HERC6: variants seen among roughly 807,000 people sequenced by gnomAD.
HERC6 encodes the protein probable E3 ubiquitin-protein ligase HERC6.
In HERC6, 101 loss-of-function variants were observed where a neutral mutation model predicts 114.5. That is an observed-to-expected ratio of 0.88 (90% CI 0.75 to 1.04). The LOEUF is 1.04. Among genes scored for constraint, HERC6 ranks in the 50% least tolerant of loss-of-function variants. HERC6 has a pLI of 0.00. For missense variants in HERC6, 1,133 were observed against 1,230.9 expected (o/e 0.92, Z 1.19); for synonymous variants, 408 against 436.2 (o/e 0.94, Z 0.81).
chr4:88,385,476 AT>A (rs1330144338), intron 2 of HERC6, 22 bp from the exon 3 acceptor site: 16 of 1,164,340 alleles, frequency 1.4e-5, no homozygotes, highest in Non-Finnish European at 1.8e-5. Flanking sequence ...GGATTAATCA[AT>A]TTTGTATTAT....
Position 88,436,954 on chromosome 4 carries a change from C to T in HERC6, c.2467C>T (p.Leu823Phe), listed in dbSNP as rs1455292247. ...DDAADDIGDA[L>F]CIRFSIHWDQ... The stretch of plus-strand genomic sequence containing the variant: ...TGCTGCTGATGACATTGGAGATGCG[C>T]TCTGCATACGCTTTTCTGTGAGTAC... The change falls in exon 19 of 23, where the codon CTC becomes TTC. Residue 823 changes from leucine (L) to phenylalanine (F), a missense_variant. Coordinates refer to ENST00000264346, the MANE Select transcript of HERC6 (RefSeq NM_017912.4). 6.2e-7 allele frequency: 1 copy of T among 1,605,124 alleles called. No homozygotes were observed. Among genetic ancestry groups the T allele is most frequent in the East Asian group, 2.2e-5 (1 of 44,544 alleles).
chr4:88,441,504 A>G (rs767009017), intron 22 of HERC6, among the ~76,000 whole-genome samples: 10 of 152,154 alleles, frequency 6.6e-5, no homozygotes, highest in Non-Finnish European at 1.3e-4. Context: ...TCCAAAGCCC[A>G]GGCTCTTGAG....
intron 2 of HERC6, among the ~76,000 whole-genome samples, chr4:88,384,914 T>C (rs577704032): frequency 1.3e-5 from 2 of 152,056 alleles, no homozygotes; most frequent in South Asian, 4.2e-4. Context: ...TCCCAGCTAC[T>C]TGGGAGGCTG....
intron 7 of HERC6, 99 bp downstream of exon 7, chr4:88,397,086 C>A: frequency 1.1e-6 from 1 of 938,796 alleles, no homozygotes; most frequent in South Asian, 3.4e-5. Flanking sequence ...AACTGTAGTT[C>A]CCCTAGTACT....
rs1218886079 is a variant in HERC6, at chr4:88,404,841, G to C, written c.1093-35G>C. The C allele has an allele frequency of 2.5e-6, 4 of 1,609,140 alleles. No individual in the cohort carries two copies. In the African/African-American group the frequency reaches 5.4e-5, roughly 22 times the overall value. On this transcript the variant is annotated intron_variant, in intron 8 of 22. Coordinates refer to ENST00000264346, the MANE Select transcript of HERC6 (RefSeq NM_017912.4). ...ATAATTTACTACTGAACGTGTGTGT[G>C]TTCCTGATCATTCTTGTTTCTTCCT... is the stretch of plus-strand genomic sequence containing the variant.
intron 11 of HERC6, among the ~76,000 whole-genome samples, chr4:88,410,249 G>A (rs1431618111): frequency 6.6e-6 from 1 of 152,142 alleles, no homozygotes; most frequent in Non-Finnish European, 1.5e-5. Flanking sequence ...ACACTGGTTT[G>A]GTCTGGAAAG....
intron 15 of HERC6, among the ~76,000 whole-genome samples, chr4:88,426,342 A>G (rs1157484992): frequency 6.6e-6 from 1 of 151,752 alleles, no homozygotes; most frequent in Non-Finnish European, 1.5e-5. Context: ...CTAATTTTGT[A>G]TTTTTAGTAG....
rs542245985 is a variant in HERC6, at chr4:88,411,808, A to T, written c.1369-1269A>T. ...CTGGGGCTGTAAAATCCTCCACTCA[A>T]TCTTTTGGGTTGGCTAGCAGATGAG... is the stretch of plus-strand genomic sequence containing the variant. On this transcript the variant is annotated intron_variant, in intron 11 of 22. Coordinates refer to ENST00000264346, the MANE Select transcript of HERC6 (RefSeq NM_017912.4). 2.0e-5 allele frequency among the ~76,000 whole-genome samples: 3 copies of T among 152,298 alleles called. No individual in the cohort carries two copies. In the South Asian group the frequency reaches 6.2e-4, roughly 32 times the overall value.
chr4:88,396,842 T>C lies in HERC6; in HGVS notation c.888-9T>C. 2 of 1,559,954 alleles carry C rather than the reference T, an allele frequency of 1.3e-6. No homozygotes were observed. The highest frequency in any genetic ancestry group is 2.7e-5 in the African/African-American group (2 of 73,408). On this transcript the variant is annotated splice_polypyrimidine_tract_variant and intron_variant, in intron 6 of 22. Coordinates refer to ENST00000264346, the MANE Select transcript of HERC6 (RefSeq NM_017912.4). ...TAGTCTTCATTATGGTGTATTCTCT[T>C]TCCTGTAGTTATCACACCCTGGCAT...
intron 1 of HERC6, 178 bp from the exon 2 acceptor site, chr4:88,383,043 A>C: frequency 1.4e-6 from 1 of 691,450 alleles, no homozygotes; most frequent in Non-Finnish European, 2.3e-6. Context: ...GGTAACATAC[A>C]TTGAATTTAC....
chr4:88,416,500 A>G (rs1324622748), intron 12 of HERC6, among the ~76,000 whole-genome samples: 1 of 152,064 alleles, frequency 6.6e-6, no homozygotes, highest in Admixed American at 6.6e-5. Flanking sequence ...AAAAATTTTA[A>G]TGTAGCCTAC....
intron 1 of HERC6, 114 bp from the exon 2 acceptor site, chr4:88,383,106 AG>A (rs1734399971): frequency 1.5e-5 from 20 of 1,318,240 alleles, no homozygotes; most frequent in Non-Finnish European, 2.0e-5. Flanking sequence ...AGACCATTGG[AG>A]GAGACAAGAA....
At chr4:88,412,999 A>G in intron 11 of HERC6, 78 bp from the exon 12 acceptor site, 4 of 1,052,138 alleles carry the variant, frequency 3.8e-6, no homozygotes, top group Non-Finnish European at 4.2e-6. Context: ...TGAAACCCTT[A>G]ATTTCACAGC....
chr4:88,430,548 C>T (rs1368424483), intron 16 of HERC6, among the ~76,000 whole-genome samples: 14 of 150,610 alleles, frequency 9.3e-5, no homozygotes, highest in Admixed American at 9.2e-4. Context: ...CCAGCCTGGG[C>T]AGCAGAGTGA....
At chr4:88,397,009 G>C in intron 7 of HERC6, 22 bp downstream of exon 7, 1 of 1,600,078 alleles carries the variant, frequency 6.2e-7, no homozygotes, top group Non-Finnish European at 8.5e-7. Flanking sequence ...ACTAATTCAT[G>C]ATTTTGTGTT....
In HERC6 at chr4:88,378,939, C is replaced by A; in HGVS notation, c.18C>A (p.Gly6=). The A allele has an allele frequency of 1.3e-6, 2 of 1,593,370 alleles. No individual in the cohort carries two copies. Among genetic ancestry groups the A allele is most frequent in the African/African-American group, 1.3e-5 (1 of 74,684 alleles). ...GAAGCGGGATGTACTTCTGTTGGGG[C>A]GCCGACTCCAGGGAGCTGCAGCGCC... MYFCW[G]ADSRELQRRR... The change falls in exon 1 of 23, where the codon GGC becomes GGA. Residue 6 remains glycine, a synonymous_variant. Transcript: ENST00000264346.
rs141794323 is a variant in HERC6 at position 88,425,440 on chromosome 4, C to T, written c.1935+738C>T. ...GTTTTCCTGCCATGAACAACACTGA[C>T]GCTATCCAGTAATCTGTTCTTTCCT... On this transcript the variant is annotated intron_variant, in intron 15 of 22. Coordinates refer to ENST00000264346, the MANE Select transcript of HERC6 (RefSeq NM_017912.4). 7.2e-5 allele frequency among the ~76,000 whole-genome samples: 11 copies of T among 152,268 alleles called. No homozygotes were observed. The East Asian group carries it at 1.7e-3, about 24-fold the overall frequency.
At chr4:88,436,445 T>C (rs913541642) in intron 18 of HERC6, among the ~76,000 whole-genome samples, 1 of 152,214 alleles carries the variant, frequency 6.6e-6, no homozygotes, top group Non-Finnish European at 1.5e-5. Context: ...GAGCAGGGGT[T>C]CTCAGCCTTG....
intron 22 of HERC6, among the ~76,000 whole-genome samples, chr4:88,441,533 C>G (rs1739355392): frequency 6.6e-6 from 1 of 152,112 alleles, no homozygotes; most frequent in Non-Finnish European, 1.5e-5. Context: ...TCTGTAGCCT[C>G]ATGGTATAAG....
Sources: gnomAD v4.1 joint callset for allele counts (sites outside exome capture counted in the v4.1 genomes callset) on GRCh38, gnomAD v4.1.1 for gene constraint, MANE v1.5 for transcripts, NCBI Gene and HGNC (gene_info 2026-07-23, HGNC 2026-07-21) for gene names.